The following NUGGC variants were observed in gnomAD, a reference collection of about 807,000 sequenced individuals.
The protein encoded by NUGGC is nuclear GTPase SLIP-GC.
In NUGGC, 58 loss-of-function variants were observed where a neutral mutation model predicts 92.6. That is an observed-to-expected ratio of 0.63 (90% CI 0.51 to 0.78). NUGGC has a LOEUF of 0.78. Among genes scored for constraint, NUGGC ranks in the 30% least tolerant of loss-of-function variants. NUGGC has a pLI of 0.00. For synonymous variants in NUGGC, 376 were observed against 366.4 expected, an observed-to-expected ratio of 1.03 and a Z score of -0.30; for missense variants, 925 against 964.6, an observed-to-expected ratio of 0.96 and a Z score of 0.54.
At chr8:28,030,452 C>A (rs530177452) in intron 15 of NUGGC, 34 bp from the exon 16 acceptor site, 2 of 1,130,412 alleles carry the variant, frequency 1.8e-6, no homozygotes, top group South Asian at 1.3e-5. Flanking sequence ...CCGTTGGTGA[C>A]AATTCCTTCA....
chr8:28,067,089 T>C (rs1273628559), intron 6 of NUGGC, among the ~76,000 whole-genome samples: 2 of 152,098 alleles, frequency 1.3e-5, no homozygotes, highest in Non-Finnish European at 2.9e-5. Flanking sequence ...CTCATGACAA[T>C]GGGGGCGACG....
rs562064984 is a variant in NUGGC at position 28,055,212 on chromosome 8, C to T, written c.1206+753G>A. Among the ~76,000 whole-genome samples the T allele has an allele frequency of 1.1e-3, 169 of 152,158 alleles. 1 individual carries two copies. Among genetic ancestry groups the T allele is most frequent in the African/African-American group, 3.8e-3 (158 of 41,512 alleles). ...AGGTTGCAGTGAGCCGAGTTTGTCCCACTGCACTCCAGCCTGGGTGACAAA... is the reference window on the plus strand; with the variant it reads ...AGGTTGCAGTGAGCCGAGTTTGTCCTACTGCACTCCAGCCTGGGTGACAAA... On this transcript the variant is annotated intron_variant, in intron 10 of 18. Coordinates refer to ENST00000413272, the MANE Select transcript of NUGGC (RefSeq NM_001010906.2).
At chr8:28,060,977 G>A (rs2130215084) in intron 7 of NUGGC, among the ~76,000 whole-genome samples, 1 of 152,244 alleles carries the variant, frequency 6.6e-6, no homozygotes, top group South Asian at 2.1e-4. Flanking sequence ...TTTCCTCTTG[G>A]GATCCACCTC....
Position 28,045,628 on chromosome 8 carries a change from T to A in NUGGC, c.1345A>T (p.Ser449Cys). The A allele has an allele frequency of 6.2e-7, 1 of 1,613,080 alleles. No individual in the cohort carries two copies. The highest frequency in any genetic ancestry group is 2.2e-5 in the East Asian group (1 of 44,864). ...GTCCTCTTCTTCTTGTCCAAGAGGCTCTTCCTGATGTATTCTCTTAACTTA... is the reference window on the plus strand; with the variant it reads ...GTCCTCTTCTTCTTGTCCAAGAGGCACTTCCTGATGTATTCTCTTAACTTA... ...IPKLREYIRK[S>C]LLDKKKRTVT... Residue 449 changes from serine to cysteine, a missense_variant, in exon 12 of 19, where the codon AGC becomes TGC. Transcript: ENST00000413272.
intron 6 of NUGGC, among the ~76,000 whole-genome samples, chr8:28,065,479 A>G (rs1475641734): frequency 6.6e-6 from 1 of 152,186 alleles, no homozygotes; most frequent in Non-Finnish European, 1.5e-5. Flanking sequence ...TCTTAAAAAG[A>G]GTTTTTAAAA....
At chr8:28,069,470 TG>T (rs1198326940) in intron 4 of NUGGC, 73 bp downstream of exon 4, 2 of 735,598 alleles carry the variant, frequency 2.7e-6, no homozygotes, top group Non-Finnish European at 2.4e-6. Flanking sequence ...CTTTCCTTGT[TG>T]GGGGAAAGCA....
intron 18 of NUGGC, 77 bp downstream of exon 18, chr8:28,026,885 T>C: frequency 9.8e-7 from 1 of 1,022,104 alleles, no homozygotes; most frequent in Non-Finnish European, 1.6e-6. Flanking sequence ...GTTTAATACC[T>C]TTAAATTCAG....
intron 13 of NUGGC, 74 bp downstream of exon 13, chr8:28,040,977 G>T (rs544965510): frequency 1.3e-5 from 18 of 1,398,604 alleles, no homozygotes; most frequent in Middle Eastern, 3.6e-4. Flanking sequence ...AAGGGAATGG[G>T]ATGATGCAAA....
chr8:28,064,424 T>G (rs889105763), intron 7 of NUGGC, 98 bp downstream of exon 7: 2 of 1,024,594 alleles, frequency 2.0e-6, no homozygotes, highest in African/African-American at 3.2e-5. Flanking sequence ...TCCAATGAAC[T>G]CAAAATCCCT....
chr8:28,071,627 A>C (rs1810592685), intron 2 of NUGGC, among the ~76,000 whole-genome samples: 1 of 152,206 alleles, frequency 6.6e-6, no homozygotes, highest in African/African-American at 2.4e-5. Context: ...CTTGGTTATG[A>C]AGTGAAGGGC....
At chr8:28,078,057 C>T (rs1462013111) in intron 1 of NUGGC, among the ~76,000 whole-genome samples, 1 of 152,170 alleles carries the variant, frequency 6.6e-6, no homozygotes, top group Non-Finnish European at 1.5e-5. Context: ...CAGCAAGGGC[C>T]GTTAGCATGT....
At chr8:28,025,126 C>T (rs182975700) in intron 18 of NUGGC, among the ~76,000 whole-genome samples, 8 of 152,356 alleles carry the variant, frequency 5.3e-5, no homozygotes, top group Non-Finnish European at 1.0e-4. Flanking sequence ...TTGGCCACCA[C>T]TGTGTCCTCA....
At chr8:28,034,482 T>C (rs73226746) in intron 13 of NUGGC, among the ~76,000 whole-genome samples, 235 of 152,340 alleles carry the variant, frequency 1.5e-3, no homozygotes, top group Middle Eastern at 6.8e-3. Context: ...CTGCTCTTTT[T>C]ACTTAGTATT....
chr8:28,038,657 G>T (rs1435610071), intron 13 of NUGGC, among the ~76,000 whole-genome samples: 1 of 152,210 alleles, frequency 6.6e-6, no homozygotes, highest in Non-Finnish European at 1.5e-5. Flanking sequence ...ATGAATGAAT[G>T]AATGCAGCAA....
chr8:28,029,551 C>T, intron 16 of NUGGC, 149 bp from the exon 17 acceptor site: 2 of 792,894 alleles, frequency 2.5e-6, no homozygotes, highest in Non-Finnish European at 3.9e-6. Flanking sequence ...GAGTTCAAGA[C>T]CAGCCTGCCC....
intron 1 of NUGGC, among the ~76,000 whole-genome samples, chr8:28,075,189 G>C (rs1277639097): frequency 1.3e-5 from 2 of 152,238 alleles, no homozygotes; most frequent in East Asian, 3.9e-4. Flanking sequence ...AGTTGCTTTG[G>C]GGGGCTGCTG....
intron 6 of NUGGC, among the ~76,000 whole-genome samples, chr8:28,065,057 T>C (rs2045029): frequency 0.68 from 102,726 of 151,988 alleles, 35,108 homozygotes; most frequent in South Asian, 0.85. Flanking sequence ...ATGTAATTGA[T>C]ATTTTCATTA....
At position 28,021,965 on chromosome 8, in the gene NUGGC, TGGATTCCTA is replaced by T; in HGVS notation, c.*1343_*1351del. 1 of 152,182 alleles carries T rather than the reference TGGATTCCTA, an allele frequency of 6.6e-6. No homozygotes were observed. The highest frequency in any genetic ancestry group is 1.5e-5 in the Non-Finnish European group (1 of 68,096). The allele number at this position is 152,182 out of a possible 1,614,324, so 9.4% of individuals were successfully genotyped here. A position where few individuals can be genotyped will look rare whatever the true frequency, so the allele number is the denominator to read the frequency against. ...TCAGTACTAAAATAAAAAACAGAAT[TGGATTCCTA>T]AAAGCTTTATTTTGCAATGTTTTCC... On this transcript the variant is annotated 3_prime_UTR_variant, in exon 19 of 19. Coordinates refer to ENST00000413272, the MANE Select transcript of NUGGC (RefSeq NM_001010906.2).
At chr8:28,042,841 A>G (rs1056981784) in intron 12 of NUGGC, among the ~76,000 whole-genome samples, 1 of 152,224 alleles carries the variant, frequency 6.6e-6, no homozygotes, top group Non-Finnish European at 1.5e-5. Flanking sequence ...TAGCTCTCGA[A>G]TCGATGTGTG....
Sources: gnomAD v4.1 joint callset for allele counts (sites outside exome capture counted in the v4.1 genomes callset) on GRCh38, gnomAD v4.1.1 for gene constraint, MANE v1.5 for transcripts, NCBI Gene and HGNC (gene_info 2026-07-23, HGNC 2026-07-21) for gene names.